Variants in PRKCA observed in about 807,000 individuals in gnomAD.
PRKCA encodes the protein protein kinase C alpha type.
Under a neutral mutation model 87.0 loss-of-function variants are expected in PRKCA, and 27 were observed. The ratio of observed to expected loss-of-function variants is 0.31; its 90% CI spans 0.23 to 0.43. The LOEUF is 0.43. Ranked by LOEUF, PRKCA falls within the 20% of genes least tolerant of loss-of-function variation. The probability of loss-of-function intolerance (pLI) is 1.00; values close to 1 mark genes in which losing one functional copy is unlikely to be tolerated. For missense variants in PRKCA, 518 were observed against 852.3 expected, an observed-to-expected ratio of 0.61 and a Z score of 4.88; for synonymous variants, 329 against 311.1, an observed-to-expected ratio of 1.06 and a Z score of -0.61.
intron 13 of PRKCA, among the ~76,000 whole-genome samples, chr17:66,746,032 A>G (rs1974274874): frequency 6.6e-6 from 1 of 152,146 alleles, no homozygotes; most frequent in Non-Finnish European, 1.5e-5. Flanking sequence ...AAGAAGTGAC[A>G]TCATACTGAC....
chr17:66,690,423 C>T, intron 8 of PRKCA, among the ~76,000 whole-genome samples: 1 of 152,212 alleles, frequency 6.6e-6, no homozygotes. Context: ...ATGTTTCTCA[C>T]AGGCGAGTCC....
Position 66,653,354 on chromosome 17 carries a change from G to A in PRKCA, c.529+7843G>A, listed in dbSNP as rs148971021. The stretch of plus-strand genomic sequence containing the variant: ...CATTCCTGTAGTCCCAGCTACTCAG[G>A]AAGCTGAGGCAGGAGGATCTCTTGA... On this transcript the variant is annotated intron_variant, in intron 5 of 16. Coordinates refer to ENST00000413366, the MANE Select transcript of PRKCA (RefSeq NM_002737.3). Among the ~76,000 whole-genome samples the A allele has an allele frequency of 5.1e-3, 772 of 152,322 alleles. 8 individuals are homozygous for A. Among genetic ancestry groups the A allele is most frequent in the African/African-American group, 0.017 (725 of 41,568 alleles).
At chr17:66,483,313 C>A (rs1004647822) in intron 2 of PRKCA, among the ~76,000 whole-genome samples, 1 of 152,000 alleles carries the variant, frequency 6.6e-6, no homozygotes, top group Non-Finnish European at 1.5e-5. Flanking sequence ...TTCCATGACT[C>A]CCCCTGGCTT....
rs369702807 is a variant in PRKCA, at chr17:66,375,401, G to A, written c.205+69274G>A. Among the ~76,000 whole-genome samples the A allele has an allele frequency of 4.6e-5, 7 of 152,256 alleles. No individual in the cohort carries two copies. In the South Asian group the frequency reaches 8.3e-4, roughly 18 times the overall value. Reference sequence around the variant, plus strand: ...CTGGCTGAAGCCAGATACCTACATGGGCTGTATAGTGATGGATGCTTCATT... The same window carrying A: ...CTGGCTGAAGCCAGATACCTACATGAGCTGTATAGTGATGGATGCTTCATT... On this transcript the variant is annotated intron_variant, in intron 2 of 16. Coordinates refer to ENST00000413366, the MANE Select transcript of PRKCA (RefSeq NM_002737.3).
rs572331722 is a variant in PRKCA at position 66,489,620 on chromosome 17, T to G, written c.206-6581T>G. Among the ~76,000 whole-genome samples the G allele has an allele frequency of 6.6e-4, 100 of 152,044 alleles. 1 individual carries two copies. The highest frequency in any genetic ancestry group is 2.6e-3 in the Admixed American group (39 of 15,276). On this transcript the variant is annotated intron_variant, in intron 2 of 16. Coordinates refer to ENST00000413366, the MANE Select transcript of PRKCA (RefSeq NM_002737.3). ...ATCCTTAAAGATTATATGAGTCCTT[T>G]GCTCTCAAATCTGAATTTTCCCTTT...
intron 2 of PRKCA, among the ~76,000 whole-genome samples, chr17:66,356,798 G>C (rs1425422180): frequency 6.6e-6 from 1 of 152,108 alleles, no homozygotes; most frequent in African/African-American, 2.4e-5. Flanking sequence ...TCCCAGCCTG[G>C]AGTGCTACTG....
intron 2 of PRKCA, among the ~76,000 whole-genome samples, chr17:66,336,882 G>A (rs910439950): frequency 6.6e-6 from 1 of 151,536 alleles, no homozygotes; most frequent in Non-Finnish European, 1.5e-5. Flanking sequence ...TCTGCCTCCT[G>A]GGCTCAAGTG....
Position 66,619,216 on chromosome 17 carries a change from A to G in PRKCA, c.289-22139A>G, listed in dbSNP as rs373660701. Among the ~76,000 whole-genome samples, 15 of 152,176 alleles carry G rather than the reference A, an allele frequency of 9.9e-5. No individual in the cohort carries two copies. The East Asian group carries it at 2.9e-3, about 29-fold the overall frequency. On this transcript the variant is annotated intron_variant, in intron 3 of 16. Coordinates refer to ENST00000413366, the MANE Select transcript of PRKCA (RefSeq NM_002737.3). ...AGTCTCTCTCATAAACTGTTAGATT[A>G]TGGGCGTCAGAGCTGTTTCCAAAAG... is the stretch of plus-strand genomic sequence containing the variant.
chr17:66,551,318 C>T (rs369694103), intron 3 of PRKCA, among the ~76,000 whole-genome samples: 44 of 152,350 alleles, frequency 2.9e-4, no homozygotes, highest in African/African-American at 1.1e-3. Flanking sequence ...CCCAGCTGAG[C>T]AAGGTGTCTG....
intron 2 of PRKCA, among the ~76,000 whole-genome samples, chr17:66,341,586 C>A (rs1907048101): frequency 6.6e-6 from 1 of 152,132 alleles, no homozygotes; most frequent in Non-Finnish European, 1.5e-5. Context: ...ACTTCCCAAA[C>A]AATCCTACGG....
intron 3 of PRKCA, among the ~76,000 whole-genome samples, chr17:66,511,043 T>C (rs1340908955): frequency 6.6e-6 from 1 of 150,722 alleles, no homozygotes; most frequent in African/African-American, 2.5e-5. Flanking sequence ...TTATAACTGC[T>C]TTACAATAGG....
chr17:66,566,490 T>G (rs984672345), intron 3 of PRKCA, among the ~76,000 whole-genome samples: 6 of 148,954 alleles, frequency 4.0e-5, no homozygotes, highest in Non-Finnish European at 7.4e-5. Flanking sequence ...GTTTTTTTTT[T>G]TTTTTTTTTT....
At chr17:66,371,866 G>A (rs918934776) in intron 2 of PRKCA, among the ~76,000 whole-genome samples, 2 of 152,268 alleles carry the variant, frequency 1.3e-5, no homozygotes, top group Non-Finnish European at 2.9e-5. Flanking sequence ...CAAGTCTTCC[G>A]AAACTCCCTA....
intron 2 of PRKCA, among the ~76,000 whole-genome samples, chr17:66,424,024 A>G (rs894711571): frequency 7.9e-5 from 12 of 152,194 alleles, no homozygotes; most frequent in Non-Finnish European, 1.8e-4. Context: ...ATGCTGTCTT[A>G]GCAGAAGTGT....
chr17:66,541,957 T>C lies in PRKCA; in HGVS notation c.288+45674T>C, dbSNP rs559166056. ...TTTTTGGCTGACCACATTTGTTCTA[T>C]GTAAGGCTGATAACAAGCCACCACG... On this transcript the variant is annotated intron_variant, in intron 3 of 16. Transcript: ENST00000413366. Among the ~76,000 whole-genome samples, 354 of 152,336 alleles carry C rather than the reference T, an allele frequency of 2.3e-3. 4 individuals carry two copies. The highest frequency in any genetic ancestry group is 0.017 in the South Asian group (83 of 4,824).
rs397856363 is a variant in PRKCA, at chr17:66,588,635, C to CT, written c.289-52693dup. Among the ~76,000 whole-genome samples, 112 of 39,108 alleles carry CT rather than the reference C, an allele frequency of 2.9e-3. 9 individuals carry two copies. Among genetic ancestry groups the CT allele is most frequent in the East Asian group, 5.3e-3 (8 of 1,512 alleles). The allele number at this position is 39,108 out of a possible 152,430, so 25.7% of individuals were successfully genotyped here. On this transcript the variant is annotated intron_variant, in intron 3 of 16. Coordinates refer to ENST00000413366, the MANE Select transcript of PRKCA (RefSeq NM_002737.3). Reference sequence around the variant, plus strand: ...CTTTCTGAGGTTTTATTTTGCTTTGCTTTTTTTTTTTTTTTTTTTTTTTTT... The same window carrying CT: ...CTTTCTGAGGTTTTATTTTGCTTTGCTTTTTTTTTTTTTTTTTTTTTTTTTT...
Position 66,735,579 on chromosome 17 carries a change from T to C in PRKCA, c.1147T>C (p.Cys383Arg). Residue 383 changes from cysteine (C) to arginine (R), a missense_variant, in exon 10 of 17, where the codon TGC becomes CGC. This residue lies in a region of PRKCA where 300 missense variants were observed against 496.8 expected (regional missense o/e 0.60). Coordinates refer to ENST00000413366, the MANE Select transcript of PRKCA (RefSeq NM_002737.3). ...GGTGATTCAGGATGATGACGTGGAG[T>C]GCACCATGGTAGAAAAGCGAGTCTT... ...DVVIQDDDVE[C>R]TMVEKRVLAL... The C allele has an allele frequency of 6.2e-7, 1 of 1,613,978 alleles. No individual in the cohort carries two copies. The highest frequency in any genetic ancestry group is 8.5e-7 in the Non-Finnish European group (1 of 1,180,002).
At chr17:66,419,414 T>A (rs751371343) in intron 2 of PRKCA, among the ~76,000 whole-genome samples, 1 of 152,236 alleles carries the variant, frequency 6.6e-6, no homozygotes, top group Non-Finnish European at 1.5e-5. Context: ...TCTTAAATGT[T>A]ATTTTAAGGT....
At chr17:66,484,139 G>T (rs1164742670) in intron 2 of PRKCA, among the ~76,000 whole-genome samples, 3 of 152,160 alleles carry the variant, frequency 2.0e-5, no homozygotes, top group Admixed American at 6.6e-5. Context: ...TTGTAAAACT[G>T]TTGAATCTCG....
Sources: gnomAD v4.1 joint callset for allele counts (sites outside exome capture counted in the v4.1 genomes callset) on GRCh38, gnomAD v4.1.1 for gene constraint, gnomAD v4.1.1 regional missense constraint, MANE v1.5 for transcripts, NCBI Gene and HGNC (gene_info 2026-07-23, HGNC 2026-07-21) for gene names.